The following STAC variants were observed in gnomAD, a reference collection of about 807,000 sequenced individuals.
The protein encoded by STAC is SH3 and cysteine-rich domain-containing protein.
STAC carries 43 observed loss-of-function variants against 48.8 expected under a neutral mutation model. The observed-to-expected ratio is 0.88, with a 90% CI of 0.69 to 1.14. The LOEUF (loss-of-function observed/expected upper bound fraction) is 1.14. STAC is among the 50% of genes most tolerant of loss of function. STAC has a pLI of 0.00. For missense variants in STAC, 497 were observed against 504.0 expected, an observed-to-expected ratio of 0.99 and a Z score of 0.13; for synonymous variants, 193 against 179.5, an observed-to-expected ratio of 1.07 and a Z score of -0.60.
At chr3:36,427,399 A>G (rs900061878) in intron 1 of STAC, among the ~76,000 whole-genome samples, 1 of 152,210 alleles carries the variant, frequency 6.6e-6, no homozygotes, top group Non-Finnish European at 1.5e-5. Context: ...AGCCTTGGAA[A>G]TAAGTGCCAG....
At chr3:36,492,034 ATATATATATATAT>A (rs1697997663) in intron 5 of STAC, among the ~76,000 whole-genome samples, 5 of 34,422 alleles carry the variant, frequency 1.5e-4, no homozygotes, top group African/African-American at 3.0e-4. Flanking sequence ...AAAAAAAAAT[ATATATATATATAT>A]ATATATATAT....
At chr3:36,433,723 G>C (rs1700760892) in intron 1 of STAC, among the ~76,000 whole-genome samples, 1 of 152,190 alleles carries the variant, frequency 6.6e-6, no homozygotes, top group Non-Finnish European at 1.5e-5. Context: ...GAACTTTGCA[G>C]CCACTGAGCT....
At chr3:36,455,473 G>T (rs1280093568) in intron 2 of STAC, among the ~76,000 whole-genome samples, 2 of 152,178 alleles carry the variant, frequency 1.3e-5, no homozygotes, top group Non-Finnish European at 2.9e-5. Flanking sequence ...AAGTTGAGAG[G>T]CTGCCTGCCT....
At chr3:36,419,501 C>T (rs1270877060) in intron 1 of STAC, among the ~76,000 whole-genome samples, 1 of 152,050 alleles carries the variant, frequency 6.6e-6, no homozygotes, top group Non-Finnish European at 1.5e-5. Flanking sequence ...AGTGATTGTA[C>T]CACCACACAA....
chr3:36,513,017 G>C (rs1034007871), intron 8 of STAC, among the ~76,000 whole-genome samples: 2 of 152,070 alleles, frequency 1.3e-5, no homozygotes, highest in African/African-American at 4.8e-5. Flanking sequence ...GAGTACACTG[G>C]GTATTGACCT....
intron 1 of STAC, among the ~76,000 whole-genome samples, chr3:36,409,020 T>C (rs1285183752): frequency 6.6e-6 from 1 of 152,140 alleles, no homozygotes; most frequent in African/African-American, 2.4e-5. Context: ...ACATTAATGA[T>C]GATGATGATA....
At chr3:36,385,243 C>T (rs1227504587) in intron 1 of STAC, among the ~76,000 whole-genome samples, 1 of 152,106 alleles carries the variant, frequency 6.6e-6, no homozygotes, top group East Asian at 1.9e-4. Flanking sequence ...TTGAAGATAG[C>T]CTAATATTCC....
At chr3:36,503,579 A>T (rs1277861522) in intron 6 of STAC, among the ~76,000 whole-genome samples, 1 of 152,088 alleles carries the variant, frequency 6.6e-6, no homozygotes, top group Admixed American at 6.5e-5. Context: ...GATTACAGGC[A>T]CATGCCACCA....
intron 10 of STAC, among the ~76,000 whole-genome samples, chr3:36,532,616 T>C (rs1000399291): frequency 1.3e-5 from 2 of 152,034 alleles, no homozygotes; most frequent in African/African-American, 4.8e-5. Context: ...CATCCAAAGA[T>C]TCCCCTTAAT....
intron 1 of STAC, among the ~76,000 whole-genome samples, chr3:36,411,849 G>T (rs1192593077): frequency 6.6e-6 from 1 of 152,142 alleles, no homozygotes; most frequent in African/African-American, 2.4e-5. Context: ...GTAACTGGGG[G>T]CAGTCACTTG....
At chr3:36,493,352 T>A (rs1037492484) in intron 6 of STAC, 123 bp downstream of exon 6, 23 of 834,558 alleles carry the variant, frequency 2.8e-5, no homozygotes, top group African/African-American at 5.0e-5. Flanking sequence ...AGGGCGAGTG[T>A]TCAATGTTCT....
At chr3:36,543,055 G>A (rs61200589) in intron 10 of STAC, among the ~76,000 whole-genome samples, 3 of 152,212 alleles carry the variant, frequency 2.0e-5, no homozygotes, top group African/African-American at 7.2e-5. Flanking sequence ...GGAATTGAAG[G>A]GTTTTGAAGG....
At chr3:36,532,305 C>T (rs1699091320) in intron 10 of STAC, among the ~76,000 whole-genome samples, 2 of 152,200 alleles carry the variant, frequency 1.3e-5, no homozygotes, top group South Asian at 2.1e-4. Flanking sequence ...TTGAAATTGA[C>T]ATACTTCCCT....
intron 8 of STAC, among the ~76,000 whole-genome samples, chr3:36,523,036 C>A (rs1487407945): frequency 6.6e-6 from 1 of 152,128 alleles, no homozygotes; most frequent in African/African-American, 2.4e-5. Flanking sequence ...GGTTCCAATG[C>A]CCATATGAAA....
chr3:36,505,037 T>C (rs1483965694), intron 7 of STAC, among the ~76,000 whole-genome samples: 6 of 152,188 alleles, frequency 3.9e-5, no homozygotes, highest in African/African-American at 1.4e-4. Context: ...CTAATATTTA[T>C]ATGATGCTTA....
In STAC at chr3:36,443,694, A is replaced by T; in HGVS notation, c.388+54A>T. 1 of 1,588,870 alleles carries T rather than the reference A, an allele frequency of 6.3e-7. No homozygotes were observed. The highest frequency in any genetic ancestry group is 8.5e-7 in the Non-Finnish European group (1 of 1,171,878). ...CCCAGCACCCCCGGAAAGCTGAGTGAGAGTGGTGTGCCACGGGTCCAGGTA... is the reference window on the plus strand; with the variant it reads ...CCCAGCACCCCCGGAAAGCTGAGTGTGAGTGGTGTGCCACGGGTCCAGGTA... On this transcript the variant is annotated intron_variant, in intron 2 of 10. Coordinates refer to ENST00000273183, the MANE Select transcript of STAC (RefSeq NM_003149.3). The surrounding 1 kb of genome is among the most constrained non-coding windows in gnomAD (Gnocchi z 4.2).
chr3:36,433,846 C>A (rs1442635266), intron 1 of STAC, among the ~76,000 whole-genome samples: 1 of 152,150 alleles, frequency 6.6e-6, no homozygotes, highest in African/African-American at 2.4e-5. Context: ...ATAACTGTTG[C>A]TTTACCAATA....
intron 6 of STAC, among the ~76,000 whole-genome samples, chr3:36,494,510 T>C (rs995395549): frequency 2.0e-5 from 3 of 152,208 alleles, no homozygotes; most frequent in Admixed American, 2.0e-4. Context: ...GGTATCACTT[T>C]TACTTCCTTC....
rs1247332227 is a variant in STAC at position 36,518,429 on chromosome 3, G to GA, written c.921-10258dup. 5.2e-4 allele frequency among the ~76,000 whole-genome samples: 78 copies of GA among 149,626 alleles called. 1 individual carries two copies. Among genetic ancestry groups the GA allele is most frequent in the African/African-American group, 1.8e-3 (72 of 40,838 alleles). On this transcript the variant is annotated intron_variant, in intron 8 of 10. Transcript: ENST00000273183. ...TTTTCATAAGGGTAGAAAAAAGAAG[G>GA]AAAAAAAAAGACTATAAGCCAAGAG...
Sources: allele counts gnomAD v4.1 joint callset (sites outside exome capture counted in the v4.1 genomes callset), GRCh38; gene constraint gnomAD v4.1.1; non-coding constraint Gnocchi (gnomAD v3.1); transcripts MANE v1.5; gene names NCBI Gene and HGNC (gene_info 2026-07-23, HGNC 2026-07-21).